NRG3: variants seen among roughly 807,000 people sequenced by gnomAD.
The protein encoded by NRG3 is pro-neuregulin-3, membrane-bound isoform.
Under a neutral mutation model 66.9 loss-of-function variants are expected in NRG3, and 31 were observed. The observed-to-expected ratio is 0.46, with a 90% CI of 0.35 to 0.63. The LOEUF is 0.63. NRG3 is among the 20% of genes least tolerant of loss of function. The pLI is 0.00. For missense variants in NRG3, 910 were observed against 878.9 expected, an observed-to-expected ratio of 1.04 and a Z score of -0.45; for synonymous variants, 393 against 359.4, an observed-to-expected ratio of 1.09 and a Z score of -1.06.
At chr10:82,418,829 G>A (rs2088837094) in intron 2 of NRG3, among the ~76,000 whole-genome samples, 1 of 151,670 alleles carries the variant, frequency 6.6e-6, no homozygotes, top group Non-Finnish European at 1.5e-5. Flanking sequence ...TCAAACTCCT[G>A]GTCTTAGGCA....
At chr10:82,453,055 G>T (rs1047488833) in intron 2 of NRG3, among the ~76,000 whole-genome samples, 1 of 152,030 alleles carries the variant, frequency 6.6e-6, no homozygotes, top group Non-Finnish European at 1.5e-5. Context: ...TTTTCCAACT[G>T]TACCACTCTG....
chr10:81,888,813 A>G (rs766172961), intron 1 of NRG3, among the ~76,000 whole-genome samples: 5 of 152,158 alleles, frequency 3.3e-5, no homozygotes, highest in Admixed American at 6.5e-5. Flanking sequence ...CAAGGAAGTG[A>G]TACAATATCT....
rs2058707477 is a variant in NRG3, at chr10:82,747,830, G to A, written c.1027+9180G>A. On this transcript the variant is annotated intron_variant, in intron 3 of 8. Coordinates refer to ENST00000372141, the MANE Select transcript of NRG3 (RefSeq NM_001010848.4). ...CCTTTTATGGAGTCAAATCTATTAG[G>A]TATTTTTTAAAAAGTAGTTCATATG... 2.6e-5 allele frequency among the ~76,000 whole-genome samples: 4 copies of A among 151,722 alleles called. No individual in the cohort carries two copies. The South Asian group carries it at 8.3e-4, about 32-fold the overall frequency.
intron 2 of NRG3, among the ~76,000 whole-genome samples, chr10:82,622,624 T>G (rs755148730): frequency 7.2e-5 from 11 of 152,164 alleles, no homozygotes; most frequent in Non-Finnish European, 1.2e-4. Context: ...TCCCAGGCTG[T>G]CAGTAAGCAG....
At chr10:82,559,476 A>G (rs1014678444) in intron 2 of NRG3, among the ~76,000 whole-genome samples, 1 of 152,202 alleles carries the variant, frequency 6.6e-6, no homozygotes, top group Non-Finnish European at 1.5e-5. Context: ...ATGGGCCTCT[A>G]TTATGAGCCA....
intron 3 of NRG3, among the ~76,000 whole-genome samples, chr10:82,784,343 C>A (rs1403012516): frequency 3.3e-5 from 5 of 150,436 alleles, no homozygotes; most frequent in East Asian, 2.0e-4. Flanking sequence ...GCAACAAAAG[C>A]CAAAATTGAC....
intron 1 of NRG3, among the ~76,000 whole-genome samples, chr10:82,077,355 TG>T (rs1350456362): frequency 1.3e-5 from 2 of 152,218 alleles, no homozygotes; most frequent in Non-Finnish European, 2.9e-5. Context: ...TTTTAAATGG[TG>T]GTGCTTTCAT....
intron 1 of NRG3, among the ~76,000 whole-genome samples, chr10:82,348,375 T>A (rs1408067549): frequency 2.3e-4 from 34 of 145,696 alleles, no homozygotes; most frequent in Middle Eastern, 3.5e-3. Flanking sequence ...TTCTTTTCTT[T>A]AAGAATGTTG....
intron 2 of NRG3, among the ~76,000 whole-genome samples, chr10:82,625,602 C>T (rs1025657308): frequency 6.6e-6 from 1 of 152,080 alleles, no homozygotes; most frequent in Admixed American, 6.6e-5. Context: ...CCTTGTTTTC[C>T]ATCTGTCTGG....
At chr10:82,428,096 G>T (rs1359860792) in intron 2 of NRG3, among the ~76,000 whole-genome samples, 1 of 151,752 alleles carries the variant, frequency 6.6e-6, no homozygotes, top group Non-Finnish European at 1.5e-5. Context: ...TGTATTCATG[G>T]TTAGTCTAGT....
At chr10:82,854,442 GA>G (rs774549886) in intron 3 of NRG3, among the ~76,000 whole-genome samples, 6 of 152,200 alleles carry the variant, frequency 3.9e-5, no homozygotes, top group Admixed American at 6.5e-5. Flanking sequence ...GGGAAAAGGG[GA>G]GAAAGGGTGT....
In NRG3 at chr10:82,428,169, C is replaced by G. The variant is rs142112768; in HGVS notation, c.953+69301C>G. Among the ~76,000 whole-genome samples the G allele has an allele frequency of 2.5e-3, 385 of 151,724 alleles. 3 individuals are homozygous for G. Among genetic ancestry groups the G allele is most frequent in the African/African-American group, 8.5e-3 (351 of 41,472 alleles). ...TAAAGTTTTGTTTTGTTGAGTTTCT[C>G]TATATTTTTAGTTCTCTACTATTTT... On this transcript the variant is annotated intron_variant, in intron 2 of 8. Transcript: ENST00000372141.
intron 2 of NRG3, among the ~76,000 whole-genome samples, chr10:82,377,457 T>TGCGC (rs141762555): frequency 0.17 from 25,355 of 150,156 alleles, 2,223 homozygotes; most frequent in East Asian, 0.32. Flanking sequence ...TGTGTGTGTG[T>TGCGC]GCGCGAGCGC....
At chr10:82,480,346 T>A (rs1419548424) in intron 2 of NRG3, among the ~76,000 whole-genome samples, 1 of 152,178 alleles carries the variant, frequency 6.6e-6, no homozygotes, top group Admixed American at 6.5e-5. Context: ...ACAGGTGATG[T>A]TTAAGCTATA....
At chr10:82,500,193 G>A (rs545651122) in intron 2 of NRG3, among the ~76,000 whole-genome samples, 1 of 152,260 alleles carries the variant, frequency 6.6e-6, no homozygotes, top group African/African-American at 2.4e-5. Context: ...GTCTCTATTT[G>A]ATGCTTAGAA....
chr10:82,845,094 G>C (rs557521389), intron 3 of NRG3, among the ~76,000 whole-genome samples: 1 of 152,326 alleles, frequency 6.6e-6, no homozygotes, highest in African/African-American at 2.4e-5. Flanking sequence ...CGCAGAGGTT[G>C]CAGTGAGCTG....
At chr10:82,363,598 G>A (rs1201243482) in intron 2 of NRG3, among the ~76,000 whole-genome samples, 1 of 152,140 alleles carries the variant, frequency 6.6e-6, no homozygotes, top group African/African-American at 2.4e-5. Context: ...TGGGACTACA[G>A]GCACCTGCCA....
At chr10:82,381,778 G>T (rs1014649817) in intron 2 of NRG3, among the ~76,000 whole-genome samples, 3 of 152,100 alleles carry the variant, frequency 2.0e-5, no homozygotes, top group African/African-American at 7.2e-5. Context: ...AGCATAAGCT[G>T]GGACTGTCCT....
intron 3 of NRG3, among the ~76,000 whole-genome samples, chr10:82,796,260 G>A (rs771028210): frequency 1.8e-4 from 28 of 152,126 alleles, no homozygotes; most frequent in Admixed American, 3.9e-4. Flanking sequence ...AGATTAGAGA[G>A]TATATTGCAA....
Sources: allele counts gnomAD v4.1 joint callset (sites outside exome capture counted in the v4.1 genomes callset), GRCh38; gene constraint gnomAD v4.1.1; transcripts MANE v1.5; gene names NCBI Gene and HGNC (gene_info 2026-07-23, HGNC 2026-07-21).